Variants in PTPA observed in about 807,000 individuals in gnomAD.
PTPA encodes protein phosphatase 2 phosphatase activator, also known as serine/threonine-protein phosphatase 2A activator.
Under a neutral mutation model 43.6 loss-of-function variants are expected in PTPA, and 13 were observed. The observed-to-expected ratio is 0.30, with a 90% CI of 0.19 to 0.47. PTPA has a LOEUF of 0.47. PTPA is among the 20% of genes least tolerant of loss of function. The pLI is 0.99. For missense variants in PTPA, 329 were observed against 411.9 expected, an observed-to-expected ratio of 0.80 and a Z score of 1.74; for synonymous variants, 172 against 158.2, an observed-to-expected ratio of 1.09 and a Z score of -0.66.
rs200958448 is a variant in PTPA, at chr9:129,147,355, C to T, written c.895-32C>T. ...CCTGGCAGGGGTGTGGTGTGGCCCT[C>T]ACCACTCTGCTCACCTGCTCCTTCC... On this transcript the variant is annotated intron_variant, in intron 9 of 9. Coordinates refer to ENST00000393370, the MANE Select transcript of PTPA (RefSeq NM_178000.3). The T allele has an allele frequency of 5.2e-5, 84 of 1,609,384 alleles. No individual in the cohort carries two copies. In the South Asian group the frequency reaches 5.7e-4, roughly 11 times the overall value.
chr9:129,134,851 C>T lies in PTPA; in HGVS notation c.517C>T (p.Arg173Trp), dbSNP rs775076181. 16 of 1,613,880 alleles carry T rather than the reference C, an allele frequency of 9.9e-6. No homozygotes were observed. The highest frequency in any genetic ancestry group is 1.7e-4 in the Middle Eastern group (1 of 6,014). Residue 173 changes from arginine (R) to tryptophan (W), a missense_variant, in exon 6 of 10, where the codon CGG becomes TGG. Coordinates refer to ENST00000393370, the MANE Select transcript of PTPA (RefSeq NM_178000.3). ...CTGTCTCTGCAAGATTGGGGTGCTCCGGGTGGATGACCAAATAGCTATTGT... is the reference window on the plus strand; with the variant it reads ...CTGTCTCTGCAAGATTGGGGTGCTCTGGGTGGATGACCAAATAGCTATTGT... ...LCCLCKIGVL[R>W]VDDQIAIVFK... is the part of the protein sequence containing the mutation.
intron 1 of PTPA, among the ~76,000 whole-genome samples, chr9:129,113,273 A>G (rs553121557): frequency 6.6e-6 from 1 of 151,564 alleles, no homozygotes; most frequent in Non-Finnish European, 1.5e-5. Flanking sequence ...TGTATTTTTA[A>G]TAGGGACAGG....
At chr9:129,122,826 C>A (rs941831737) in intron 2 of PTPA, among the ~76,000 whole-genome samples, 1 of 152,192 alleles carries the variant, frequency 6.6e-6, no homozygotes, top group Non-Finnish European at 1.5e-5. Context: ...TTCACTCTGG[C>A]TGGAGATCAG....
chr9:129,142,724 G>A lies in PTPA; in HGVS notation c.894+172G>A, dbSNP rs41276756. 1.8e-3 allele frequency: 2,701 copies of A among 1,538,618 alleles called. 8 individuals are homozygous for A. Among genetic ancestry groups the A allele is most frequent in the Non-Finnish European group, 1.9e-3 (2,170 of 1,146,920 alleles). On this transcript the variant is annotated intron_variant, in intron 9 of 9. Transcript: ENST00000393370. Reference sequence around the variant, plus strand: ...TGGGGCCTCGGAATCTCCCATCTGGGGCATGGGCAGTCAGAGAAGCACCAG... The same window carrying A: ...TGGGGCCTCGGAATCTCCCATCTGGAGCATGGGCAGTCAGAGAAGCACCAG...
intron 1 of PTPA, among the ~76,000 whole-genome samples, chr9:129,113,279 A>G (rs1451539589): frequency 6.6e-6 from 1 of 151,690 alleles, no homozygotes; most frequent in African/African-American, 2.4e-5. Flanking sequence ...TTTAATAGGG[A>G]CAGGGTTTCA....
intron 3 of PTPA, among the ~76,000 whole-genome samples, chr9:129,123,451 G>C (rs989520400): frequency 4.0e-5 from 6 of 149,210 alleles, no homozygotes; most frequent in African/African-American, 1.5e-4. Flanking sequence ...CAGCCTGGGC[G>C]ACAGAGCGAG....
chr9:129,147,275 G>A, intron 9 of PTPA, 112 bp from the exon 10 acceptor site: 1 of 1,031,494 alleles, frequency 9.7e-7, no homozygotes, highest in Non-Finnish European at 1.5e-6. Context: ...TCCCCTGGCG[G>A]GGCTACTTCC....
At position 129,146,633 on chromosome 9, in the gene PTPA, T is replaced by C. The variant is rs3780694; in HGVS notation, c.895-754T>C. 6.6e-5 allele frequency among the ~76,000 whole-genome samples: 10 copies of C among 152,310 alleles called. No homozygotes were observed. In the East Asian group the frequency reaches 1.2e-3, roughly 18 times the overall value. The stretch of plus-strand genomic sequence containing the variant: ...CCAGAACGGCTCCTGTGAGAGCTAG[T>C]GTCCAGGTGTGGCAGGCATGGGGGT... On this transcript the variant is annotated intron_variant, in intron 9 of 9. Coordinates refer to ENST00000393370, the MANE Select transcript of PTPA (RefSeq NM_178000.3).
chr9:129,140,229 G>C (rs1312018668), intron 8 of PTPA: 1 of 152,656 alleles, frequency 6.6e-6, no homozygotes, highest in Non-Finnish European at 1.5e-5. Context: ...CAGCTCGCTC[G>C]CTCATTCTGG....
At chr9:129,132,125 G>A (rs918280120) in intron 5 of PTPA, among the ~76,000 whole-genome samples, 3 of 152,010 alleles carry the variant, frequency 2.0e-5, no homozygotes, top group African/African-American at 7.2e-5. Flanking sequence ...GTCCATGTAA[G>A]CCAAGGGACC....
chr9:129,132,386 G>A (rs761774885), intron 5 of PTPA, among the ~76,000 whole-genome samples: 1 of 152,140 alleles, frequency 6.6e-6, no homozygotes, highest in Non-Finnish European at 1.5e-5. Flanking sequence ...CTGCAGTGCA[G>A]TGATGTGATC....
intron 8 of PTPA, chr9:129,140,220 A>AGCTC (rs1204676217): frequency 2.0e-5 from 3 of 152,698 alleles, no homozygotes; most frequent in South Asian, 4.2e-4. Flanking sequence ...TGCGGGCTGC[A>AGCTC]GCTCGCTCGC....
chr9:129,130,748 CAT>C (rs1849904741), intron 4 of PTPA, among the ~76,000 whole-genome samples: 2 of 152,152 alleles, frequency 1.3e-5, no homozygotes, highest in African/African-American at 2.4e-5. Context: ...TGGATTTTTA[CAT>C]GTTTTTACTC....
chr9:129,112,805 G>T (rs1344140265), intron 1 of PTPA, among the ~76,000 whole-genome samples: 1 of 152,156 alleles, frequency 6.6e-6, no homozygotes, highest in Non-Finnish European at 1.5e-5. Context: ...GCCGGGCGTG[G>T]TGACACACGC....
At chr9:129,139,111 T>TC (rs757234228) in intron 8 of PTPA, among the ~76,000 whole-genome samples, 11 of 152,018 alleles carry the variant, frequency 7.2e-5, no homozygotes, top group Non-Finnish European at 1.6e-4. Context: ...CTGTTTGGGC[T>TC]CCCCCGGCGG....
At chr9:129,141,464 C>A (rs890874898) in intron 8 of PTPA, among the ~76,000 whole-genome samples, 5 of 152,134 alleles carry the variant, frequency 3.3e-5, no homozygotes, top group African/African-American at 9.7e-5. Context: ...GCCCTGTTCC[C>A]CTGTAAATGC....
rs199585719 is a variant in PTPA at position 129,147,490 on chromosome 9, A to G, written c.*26A>G. ...GAGGGGCCAAGCCGAAGAGCCACCC[A>G]GGCCACAGTTCCTGTGCCTGCCTTC... On this transcript the variant is annotated 3_prime_UTR_variant, in exon 10 of 10. Coordinates refer to ENST00000393370, the MANE Select transcript of PTPA (RefSeq NM_178000.3). 384 of 1,607,494 alleles carry G rather than the reference A, an allele frequency of 2.4e-4. No individual in the cohort carries two copies. The African/African-American group carries it at 4.2e-3, about 17-fold the overall frequency.
chr9:129,132,760 G>A (rs1448596787), intron 5 of PTPA, among the ~76,000 whole-genome samples: 1 of 152,156 alleles, frequency 6.6e-6, no homozygotes, highest in Non-Finnish European at 1.5e-5. Context: ...CCAAAGTGCT[G>A]GGACTGGGAT....
chr9:129,112,048 G>A (rs17508736), intron 1 of PTPA: 5,961 of 176,994 alleles, frequency 0.034, 367 homozygotes, highest in African/African-American at 0.13. Context: ...AGGGGATGGG[G>A]TGGTGCTCCG....
Sources: allele counts gnomAD v4.1 joint callset (sites outside exome capture counted in the v4.1 genomes callset), GRCh38; gene constraint gnomAD v4.1.1; transcripts MANE v1.5; gene names NCBI Gene and HGNC (gene_info 2026-07-23, HGNC 2026-07-21).